Variants in PLA2G4A observed in about 807,000 individuals in gnomAD.
The protein encoded by PLA2G4A is phospholipase A2 group IVA, also known as cytosolic phospholipase A2.
PLA2G4A carries 40 observed loss-of-function variants against 81.9 expected under a neutral mutation model. The ratio of observed to expected loss-of-function variants is 0.49; its 90% CI spans 0.38 to 0.64. The LOEUF is 0.64. Ranked by LOEUF, PLA2G4A falls within the 30% of genes least tolerant of loss-of-function variation. The pLI, the probability that PLA2G4A is intolerant of heterozygous loss-of-function variation, is 0.00. For synonymous variants in PLA2G4A, 302 were observed against 296.9 expected (o/e 1.02, Z -0.18); for missense variants, 715 against 905.1 (o/e 0.79, Z 2.69).
At chr1:186,964,282 A>G (rs888798690) in intron 14 of PLA2G4A, among the ~76,000 whole-genome samples, 3 of 152,212 alleles carry the variant, frequency 2.0e-5, no homozygotes, top group African/African-American at 7.2e-5. Context: ...AACCAGTTCA[A>G]TTCTGGTCAT....
At chr1:186,980,614 A>G (rs1482418335) in intron 17 of PLA2G4A, among the ~76,000 whole-genome samples, 3 of 152,144 alleles carry the variant, frequency 2.0e-5, no homozygotes, top group Non-Finnish European at 4.4e-5. Context: ...GAATATGTGA[A>G]TGAGTGTTCT....
intron 3 of PLA2G4A, among the ~76,000 whole-genome samples, chr1:186,889,981 A>G (rs1654077434): frequency 6.6e-6 from 1 of 152,170 alleles, no homozygotes; most frequent in African/African-American, 2.4e-5. Context: ...TAGCTATGTG[A>G]TATTGGACAG....
Position 186,879,997 on chromosome 1 carries a change from A to T in PLA2G4A, c.115+9481A>T, listed in dbSNP as rs1035583884. Among the ~76,000 whole-genome samples the T allele has an allele frequency of 2.6e-5, 4 of 151,476 alleles. No individual in the cohort carries two copies. The South Asian group carries it at 8.3e-4, about 31-fold the overall frequency. On this transcript the variant is annotated intron_variant, in intron 3 of 17. Coordinates refer to ENST00000367466, the MANE Select transcript of PLA2G4A (RefSeq NM_024420.3). Reference sequence around the variant, plus strand: ...AATGCTATCCCTCCCTCCTCCTCCCACCCCACAACAGGCCCTGTGTAAGAA... The same window carrying T: ...AATGCTATCCCTCCCTCCTCCTCCCTCCCCACAACAGGCCCTGTGTAAGAA...
chr1:186,898,038 G>T (rs560894063), intron 5 of PLA2G4A, among the ~76,000 whole-genome samples: 33 of 151,936 alleles, frequency 2.2e-4, no homozygotes, highest in Non-Finnish European at 3.8e-4. Context: ...TGTTTAGCTT[G>T]CACTTATAAG....
intron 7 of PLA2G4A, among the ~76,000 whole-genome samples, chr1:186,930,499 T>C (rs1008439585): frequency 2.6e-5 from 4 of 152,226 alleles, no homozygotes; most frequent in Admixed American, 2.6e-4. Context: ...AGAGAAGCTC[T>C]TATGTTCATT....
intron 1 of PLA2G4A, among the ~76,000 whole-genome samples, chr1:186,850,238 T>C (rs1034411757): frequency 1.3e-5 from 2 of 152,140 alleles, no homozygotes; most frequent in Non-Finnish European, 2.9e-5. Context: ...TTATGTATTG[T>C]ATTGTGATAT....
At chr1:186,876,188 C>G (rs1030031203) in intron 3 of PLA2G4A, among the ~76,000 whole-genome samples, 1 of 152,026 alleles carries the variant, frequency 6.6e-6, no homozygotes, top group Admixed American at 6.6e-5. Flanking sequence ...TTATAAGATT[C>G]GCGAAATAAC....
intron 15 of PLA2G4A, among the ~76,000 whole-genome samples, chr1:186,968,111 C>T (rs1293163990): frequency 1.3e-5 from 2 of 152,026 alleles, no homozygotes; most frequent in African/African-American, 4.8e-5. Flanking sequence ...TGGTGGAAGA[C>T]ACTGTATTAT....
At chr1:186,951,734 C>T (rs1013039747) in intron 13 of PLA2G4A, among the ~76,000 whole-genome samples, 1 of 152,128 alleles carries the variant, frequency 6.6e-6, no homozygotes, top group Non-Finnish European at 1.5e-5. Context: ...TAAAGAAAAG[C>T]TGCCTTCTCT....
chr1:186,924,749 T>C (rs558713823), intron 7 of PLA2G4A, among the ~76,000 whole-genome samples: 39 of 152,000 alleles, frequency 2.6e-4, no homozygotes, highest in Non-Finnish European at 4.4e-4. Context: ...AGAAATACGT[T>C]TTTCTAGGCA....
At chr1:186,877,925 CACT>C (rs1653565575) in intron 3 of PLA2G4A, among the ~76,000 whole-genome samples, 1 of 150,088 alleles carries the variant, frequency 6.7e-6, no homozygotes, top group Non-Finnish European at 1.5e-5. Context: ...TATTTCTATC[CACT>C]ACTAACTAGA....
At chr1:186,981,874 A>T (rs1308748677) in intron 17 of PLA2G4A, among the ~76,000 whole-genome samples, 5 of 105,920 alleles carry the variant, frequency 4.7e-5, no homozygotes, top group Middle Eastern at 4.7e-3. Flanking sequence ...TACTTTACCA[A>T]ATAGAAAGAC....
intron 7 of PLA2G4A, among the ~76,000 whole-genome samples, chr1:186,921,221 G>T (rs1470811549): frequency 5.3e-5 from 8 of 152,084 alleles, no homozygotes; most frequent in Non-Finnish European, 1.5e-5. Context: ...ACATATTCTT[G>T]GGGGTTTTGG....
In PLA2G4A at chr1:186,865,991, C is replaced by T. The variant is rs117185017; in HGVS notation, c.34-4444C>T. Among the ~76,000 whole-genome samples, 33 of 152,234 alleles carry T rather than the reference C, an allele frequency of 2.2e-4. 1 individual carries two copies. The East Asian group carries it at 5.0e-3, about 23-fold the overall frequency. ...CAAAGCTTAATCTTTGTGACTAAGT[C>T]GGATTGAGCTTAGATTTGACATCTC... On this transcript the variant is annotated intron_variant, in intron 2 of 17. Coordinates refer to ENST00000367466, the MANE Select transcript of PLA2G4A (RefSeq NM_024420.3).
chr1:186,952,231 CA>C lies in PLA2G4A; in HGVS notation c.1336+1504del, dbSNP rs972261200. Among the ~76,000 whole-genome samples, 445 of 152,144 alleles carry C rather than the reference CA, an allele frequency of 2.9e-3. 2 individuals are homozygous for C. The highest frequency in any genetic ancestry group is 9.6e-3 in the African/African-American group (399 of 41,508). On this transcript the variant is annotated intron_variant, in intron 13 of 17. Transcript: ENST00000367466. ...ATTATTAAGTATTTCTATAGATAGT[CA>C]GTACATTTGATAACCCCTACAGTAC...
At chr1:186,941,035 G>A (rs12720608) in intron 10 of PLA2G4A, among the ~76,000 whole-genome samples, 2,629 of 151,468 alleles carry the variant, frequency 0.017, 61 homozygotes, top group African/African-American at 0.058. Flanking sequence ...GCATGAACTC[G>A]GGAGACAGAG....
At chr1:186,873,551 C>T (rs1653362764) in intron 3 of PLA2G4A, among the ~76,000 whole-genome samples, 1 of 152,014 alleles carries the variant, frequency 6.6e-6, no homozygotes, top group African/African-American at 2.4e-5. Flanking sequence ...AGTGCTTTCT[C>T]AACGGTACCA....
chr1:186,853,232 CAA>C (rs1652436685), intron 1 of PLA2G4A, among the ~76,000 whole-genome samples: 1 of 151,468 alleles, frequency 6.6e-6, no homozygotes, highest in African/African-American at 2.4e-5. Context: ...TTTAAAAACT[CAA>C]GAGCGTATTA....
intron 12 of PLA2G4A, among the ~76,000 whole-genome samples, chr1:186,948,082 T>C (rs941654988): frequency 6.6e-6 from 1 of 152,196 alleles, no homozygotes; most frequent in Non-Finnish European, 1.5e-5. Context: ...TGATTTTAGT[T>C]ATTTGATAAT....
Sources: gnomAD v4.1 joint callset for allele counts (sites outside exome capture counted in the v4.1 genomes callset) on GRCh38, gnomAD v4.1.1 for gene constraint, MANE v1.5 for transcripts, NCBI Gene and HGNC (gene_info 2026-07-23, HGNC 2026-07-21) for gene names.